The following EPHA6 variants were observed in gnomAD, a reference collection of about 807,000 sequenced individuals.
EPHA6 encodes the protein ephrin type-A receptor 6.
In EPHA6, 50 loss-of-function variants were observed where a neutral mutation model predicts 112.0. That is an observed-to-expected ratio of 0.45 (90% CI 0.36 to 0.56). EPHA6 has a LOEUF of 0.56. Ranked by LOEUF, EPHA6 falls within the 20% of genes least tolerant of loss-of-function variation. The pLI is 0.00. For missense variants in EPHA6, 1,280 were observed against 1,417.4 expected (o/e 0.90, Z 1.56); for synonymous variants, 529 against 490.7 (o/e 1.08, Z -1.03).
At chr3:97,547,447 C>T (rs113818880) in intron 11 of EPHA6, among the ~76,000 whole-genome samples, 18 of 152,222 alleles carry the variant, frequency 1.2e-4, no homozygotes, top group African/African-American at 2.6e-4. Context: ...GAGGAGTACC[C>T]GGCTGTGTGA....
intron 3 of EPHA6, among the ~76,000 whole-genome samples, chr3:97,174,514 A>C (rs1468754699): frequency 6.6e-6 from 1 of 151,756 alleles, no homozygotes; most frequent in African/African-American, 2.4e-5. Flanking sequence ...ACATTCCCAC[A>C]CAGTATGCAA....
chr3:97,531,717 T>C (rs2092697144), intron 10 of EPHA6, among the ~76,000 whole-genome samples: 1 of 152,080 alleles, frequency 6.6e-6, no homozygotes, highest in African/African-American at 2.4e-5. Context: ...GATATAGATA[T>C]AATAAATGCT....
intron 10 of EPHA6, among the ~76,000 whole-genome samples, chr3:97,513,076 A>T (rs1001236842): frequency 1.3e-5 from 2 of 152,178 alleles, no homozygotes; most frequent in African/African-American, 4.8e-5. Flanking sequence ...TCCATATTTT[A>T]CTAATGTTAC....
At chr3:97,393,236 G>A (rs568624347) in intron 5 of EPHA6, among the ~76,000 whole-genome samples, 19 of 151,898 alleles carry the variant, frequency 1.3e-4, no homozygotes, top group Non-Finnish European at 2.8e-4. Flanking sequence ...AAGGTCAGAA[G>A]AATCTCAGAG....
At chr3:97,746,820 T>C (rs759370477) in intron 16 of EPHA6, among the ~76,000 whole-genome samples, 31 of 152,088 alleles carry the variant, frequency 2.0e-4, no homozygotes, top group South Asian at 4.1e-4. Context: ...TGTATGTGTG[T>C]AAATCTTATT....
At chr3:97,219,353 C>T (rs1193865085) in intron 3 of EPHA6, among the ~76,000 whole-genome samples, 1 of 152,194 alleles carries the variant, frequency 6.6e-6, no homozygotes, top group Non-Finnish European at 1.5e-5. Flanking sequence ...CTGCATCAGA[C>T]TTCTGCCATA....
chr3:97,688,712 T>G (rs1163551458), intron 14 of EPHA6, among the ~76,000 whole-genome samples: 5 of 150,092 alleles, frequency 3.3e-5, no homozygotes, highest in African/African-American at 1.3e-4. Context: ...ACCCTAGAAC[T>G]TAAAGTATAA....
At chr3:97,415,499 T>C (rs147593339) in intron 6 of EPHA6, among the ~76,000 whole-genome samples, 148 of 152,150 alleles carry the variant, frequency 9.7e-4, no homozygotes, top group Non-Finnish European at 1.9e-3. Flanking sequence ...CCAGGCAAGA[T>C]ACATGTTGAG....
intron 7 of EPHA6, among the ~76,000 whole-genome samples, chr3:97,467,849 T>C (rs1479228739): frequency 6.6e-6 from 1 of 151,740 alleles, no homozygotes; most frequent in African/African-American, 2.4e-5. Context: ...TGACCATTCA[T>C]TAATGAACAC....
At chr3:97,462,387 A>G (rs1406023048) in intron 7 of EPHA6, among the ~76,000 whole-genome samples, 2 of 152,122 alleles carry the variant, frequency 1.3e-5, no homozygotes, top group Non-Finnish European at 1.5e-5. Flanking sequence ...ACGTAAAGAA[A>G]AAAGGAAATA....
chr3:96,921,834 C>CTGTGATGTCA (rs1214663452), intron 2 of EPHA6, among the ~76,000 whole-genome samples: 1 of 152,092 alleles, frequency 6.6e-6, no homozygotes, highest in Non-Finnish European at 1.5e-5. Flanking sequence ...TCCCAAAATG[C>CTGTGATGTCA]TGTGATGTCA....
At chr3:97,098,785 A>G (rs963796444) in intron 3 of EPHA6, among the ~76,000 whole-genome samples, 1 of 151,764 alleles carries the variant, frequency 6.6e-6, no homozygotes, top group Non-Finnish European at 1.5e-5. Context: ...ATCAAGCAAA[A>G]AGGGATGTAA....
intron 5 of EPHA6, among the ~76,000 whole-genome samples, chr3:97,259,735 C>G (rs553813273): frequency 1.3e-5 from 2 of 151,882 alleles, no homozygotes; most frequent in African/African-American, 4.8e-5. Flanking sequence ...AATTGCCTTA[C>G]TTACTCTAAT....
At chr3:97,745,485 T>A (rs911485259) in intron 16 of EPHA6, 14 of 400,484 alleles carry the variant, frequency 3.5e-5, no homozygotes, top group Non-Finnish European at 6.9e-5. Context: ...TGCAATAGAA[T>A]TGAGTAGTGT....
chr3:96,901,400 C>G (rs1198948544), intron 2 of EPHA6, among the ~76,000 whole-genome samples: 1 of 151,906 alleles, frequency 6.6e-6, no homozygotes, highest in Non-Finnish European at 1.5e-5. Flanking sequence ...TGCCTTCCAA[C>G]TGGTTATACT....
At chr3:97,391,635 C>A (rs2086403777) in intron 5 of EPHA6, among the ~76,000 whole-genome samples, 1 of 151,824 alleles carries the variant, frequency 6.6e-6, no homozygotes, top group South Asian at 2.1e-4. Flanking sequence ...AATAGAAGAG[C>A]TTCAGATAAG....
chr3:97,408,181 GA>G (rs1328441848), intron 6 of EPHA6, among the ~76,000 whole-genome samples: 1 of 152,076 alleles, frequency 6.6e-6, no homozygotes, highest in Non-Finnish European at 1.5e-5. Context: ...TCCCACCCAA[GA>G]GGGTGTAGCC....
At chr3:97,081,116 T>C (rs1410332533) in intron 3 of EPHA6, among the ~76,000 whole-genome samples, 1 of 151,820 alleles carries the variant, frequency 6.6e-6, no homozygotes, top group Non-Finnish European at 1.5e-5. Context: ...TTTGTCAAAT[T>C]GGCACTAAAA....
At chr3:97,254,152 C>A (rs760942927) in intron 5 of EPHA6, among the ~76,000 whole-genome samples, 1 of 151,430 alleles carries the variant, frequency 6.6e-6, no homozygotes, top group South Asian at 2.1e-4. Flanking sequence ...ATTTGAAATG[C>A]AACTCAAATA....
Sources: gnomAD v4.1 joint callset for allele counts (sites outside exome capture counted in the v4.1 genomes callset) on GRCh38, gnomAD v4.1.1 for gene constraint, MANE v1.5 for transcripts, NCBI Gene and HGNC (gene_info 2026-07-23, HGNC 2026-07-21) for gene names.